Variants in GOLGA4 observed in about 807,000 individuals in gnomAD.
The protein encoded by GOLGA4 is golgin subfamily A member 4.
Under a neutral mutation model 265.9 loss-of-function variants are expected in GOLGA4, and 169 were observed. The observed-to-expected ratio is 0.64, with a 90% CI of 0.56 to 0.72. The LOEUF is 0.72. Among genes scored for constraint, GOLGA4 ranks in the 30% least tolerant of loss-of-function variants. GOLGA4 has a pLI of 0.00. For missense variants in GOLGA4, 2,482 were observed against 2,483.4 expected, an observed-to-expected ratio of 1.00 and a Z score of 0.01; for synonymous variants, 923 against 855.8, an observed-to-expected ratio of 1.08 and a Z score of -1.37.
At chr3:37,278,388 A>G (rs2096825331) in intron 2 of GOLGA4, among the ~76,000 whole-genome samples, 1 of 152,080 alleles carries the variant, frequency 6.6e-6, no homozygotes, top group Non-Finnish European at 1.5e-5. Flanking sequence ...TTTATAGTAG[A>G]GACAGAGTTT....
At chr3:37,320,607 C>T (rs1372755711) in intron 12 of GOLGA4, among the ~76,000 whole-genome samples, 1 of 152,122 alleles carries the variant, frequency 6.6e-6, no homozygotes, top group Non-Finnish European at 1.5e-5. Flanking sequence ...AAGCATTTTA[C>T]AAGAATTCTT....
chr3:37,307,229 T>C (rs1262466386), intron 10 of GOLGA4, among the ~76,000 whole-genome samples: 3 of 152,236 alleles, frequency 2.0e-5, no homozygotes, highest in Admixed American at 1.3e-4. Context: ...TTTATTGTCA[T>C]GTTGTGTTTG....
intron 4 of GOLGA4, among the ~76,000 whole-genome samples, chr3:37,287,822 C>T (rs1029174208): frequency 1.1e-4 from 16 of 152,316 alleles, no homozygotes; most frequent in African/African-American, 3.8e-4. Context: ...CAAGTCCCCA[C>T]AATACAATCC....
rs1250859580 is a variant in GOLGA4 at position 37,337,112 on chromosome 3, A to G, written c.6307-31A>G. On this transcript the variant is annotated intron_variant, in intron 17 of 23. Coordinates refer to ENST00000361924, the MANE Select transcript of GOLGA4 (RefSeq NM_002078.5). Reference sequence around the variant, plus strand: ...CTGTTTCTTATAGCTATTATTGTATACACTCATGTTTTTTCTTTCCATTTT... The same window carrying G: ...CTGTTTCTTATAGCTATTATTGTATGCACTCATGTTTTTTCTTTCCATTTT... 4.6e-6 allele frequency: 6 copies of G among 1,301,034 alleles called. No individual in the cohort carries two copies. In the East Asian group the frequency reaches 1.1e-4, roughly 25 times the overall value. 80.6% of individuals were successfully genotyped at this position (1,301,034 alleles called of 1,614,324 possible). A position where few individuals can be genotyped will look rare whatever the true frequency, so the allele number is the denominator to read the frequency against.
At chr3:37,330,390 C>G (rs1364347695) in intron 16 of GOLGA4, among the ~76,000 whole-genome samples, 1 of 152,126 alleles carries the variant, frequency 6.6e-6, no homozygotes, top group Non-Finnish European at 1.5e-5. Flanking sequence ...CAGGGAGATT[C>G]ATTTGCAGGG....
chr3:37,326,224 G>A lies in GOLGA4; in HGVS notation c.4338G>A (p.Lys1446=), dbSNP rs2096970339. 7 of 1,613,620 alleles carry A rather than the reference G, an allele frequency of 4.3e-6. No individual in the cohort carries two copies. In the South Asian group the frequency reaches 7.7e-5, roughly 18 times the overall value. The change falls in exon 14 of 24, where the codon AAG becomes AAA. Residue 1446 remains lysine, a synonymous_variant. Coordinates refer to ENST00000361924, the MANE Select transcript of GOLGA4 (RefSeq NM_002078.5). ...GGTCCAATAAATTCTCAGAATGGAA[G>A]AAGAAAGCACAGTCAAGATTTACAC... ...DDWSNKFSEW[K]KKAQSRFTQH...
At chr3:37,299,089 C>G in intron 8 of GOLGA4, 69 bp downstream of exon 8, 2 of 1,308,972 alleles carry the variant, frequency 1.5e-6, no homozygotes, top group Non-Finnish European at 2.1e-6. Context: ...CACAGCATGG[C>G]TTGTACCTCC....
intron 11 of GOLGA4, among the ~76,000 whole-genome samples, chr3:37,316,038 T>C (rs2150930523): frequency 6.6e-6 from 1 of 152,326 alleles, no homozygotes; most frequent in African/African-American, 2.4e-5. Context: ...TTACTCTTAA[T>C]ATAGATAGAC....
In GOLGA4 at chr3:37,286,000, T is replaced by C; in HGVS notation, c.478-14T>C. ...ATTTAGGAATGACTAATGTTGTTGATGACTATATTTTAGCTTGTTACAGCT... is the reference window on the plus strand; with the variant it reads ...ATTTAGGAATGACTAATGTTGTTGACGACTATATTTTAGCTTGTTACAGCT... On this transcript the variant is annotated splice_polypyrimidine_tract_variant and intron_variant, in intron 3 of 23. Transcript: ENST00000361924. 6.7e-7 allele frequency: 1 copy of C among 1,482,782 alleles called. No homozygotes were observed. Among genetic ancestry groups the C allele is most frequent in the Non-Finnish European group, 9.3e-7 (1 of 1,075,084 alleles). The allele number at this position is 1,482,782 out of a possible 1,614,324, so 91.9% of individuals were successfully genotyped here.
chr3:37,345,472 G>A (rs984149789), intron 20 of GOLGA4, among the ~76,000 whole-genome samples: 1 of 152,158 alleles, frequency 6.6e-6, no homozygotes, highest in African/African-American at 2.4e-5. Flanking sequence ...GTTTTAAAAT[G>A]CTGAGTGATA....
In GOLGA4 at chr3:37,355,177, C is replaced by G. The variant is rs1228249132; in HGVS notation, c.6653C>G (p.Ala2218Gly). ...CAGAAAATTTTGGAAAGAGAAGATG[C>G]TCGGCTGATGGTAAGTTCTGGAAGT... ...QTQKILERED[A>G]RLMFTSPRSG... The change falls in exon 22 of 24, where the codon GCT becomes GGT. Residue 2218 changes from alanine to glycine, a missense_variant. Transcript: ENST00000361924. The G allele has an allele frequency of 6.4e-7, 1 of 1,571,484 alleles. No individual in the cohort carries two copies. Among genetic ancestry groups the G allele is most frequent in the South Asian group, 1.1e-5 (1 of 90,218 alleles).
chr3:37,310,796 T>C (rs2096921107), intron 10 of GOLGA4, among the ~76,000 whole-genome samples: 1 of 151,870 alleles, frequency 6.6e-6, no homozygotes, highest in Non-Finnish European at 1.5e-5. Context: ...AAGAACACAG[T>C]GTGTTCTTGC....
intron 9 of GOLGA4, among the ~76,000 whole-genome samples, chr3:37,300,768 T>C (rs1202276308): frequency 6.6e-6 from 1 of 152,198 alleles, no homozygotes; most frequent in Non-Finnish European, 1.5e-5. Flanking sequence ...TGATCACATC[T>C]AAAAATTTAA....
chr3:37,315,736 T>C, intron 11 of GOLGA4, 138 bp downstream of exon 11: 4 of 748,186 alleles, frequency 5.3e-6, no homozygotes, highest in Non-Finnish European at 8.8e-6. Context: ...GGTTGTAAAA[T>C]TTTTGATAGA....
intron 22 of GOLGA4, among the ~76,000 whole-genome samples, chr3:37,360,363 A>G (rs988385776): frequency 5.9e-5 from 9 of 152,192 alleles, no homozygotes; most frequent in African/African-American, 2.2e-4. Flanking sequence ...GAACATCCAT[A>G]TACATGGATT....
In GOLGA4 at chr3:37,324,173, C is replaced by T; in HGVS notation, c.2287C>T (p.Leu763Phe). 6.2e-7 allele frequency: 1 copy of T among 1,614,050 alleles called. No homozygotes were observed. The highest frequency in any genetic ancestry group is 8.5e-7 in the Non-Finnish European group (1 of 1,179,980). Residue 763 changes from leucine (L) to phenylalanine (F), a missense_variant, in exon 14 of 24, where the codon CTT becomes TTT. Leu to Phe is a conservative substitution (Grantham distance 22, BLOSUM62 0). Transcript: ENST00000361924. ...AAAAGATCAAATTAATCAACTTGAG[C>T]TTCTCTTGAAGGAAAGGGACAAGCA... Reference protein sequence around the residue: ...ALKDQINQLELLLKERDKHLK... With the variant: ...ALKDQINQLEFLLKERDKHLK...
Position 37,327,290 on chromosome 3 carries a change from G to C in GOLGA4, c.5404G>C (p.Glu1802Gln). Residue 1802 changes from glutamate to glutamine, a missense_variant, in exon 14 of 24, where the codon GAA becomes CAA. Around this residue, in one of 3 missense-constraint regions of GOLGA4, gnomAD observed 942 missense variants for 983.1 expected, o/e 0.96. Transcript: ENST00000361924. Reference sequence around the variant, plus strand: ...GATAGGTCATCTTCAAGAGGAGCTTGAAGAAAAAAACAAGAAATATTCCTT... The same window carrying C: ...GATAGGTCATCTTCAAGAGGAGCTTCAAGAAAAAAACAAGAAATATTCCTT... Reference protein sequence around the residue: ...SMIGHLQEELEEKNKKYSLIV... With the variant: ...SMIGHLQEELQEKNKKYSLIV... 1 of 1,613,422 alleles carries C rather than the reference G, an allele frequency of 6.2e-7. No homozygotes were observed. Among genetic ancestry groups the C allele is most frequent in the Non-Finnish European group, 8.5e-7 (1 of 1,179,656 alleles).
intron 2 of GOLGA4, among the ~76,000 whole-genome samples, chr3:37,271,674 G>A (rs2150719809): frequency 6.6e-6 from 1 of 152,110 alleles, no homozygotes; most frequent in Non-Finnish European, 1.5e-5. Flanking sequence ...CACCCCATTG[G>A]ATATTTGAAG....
chr3:37,345,084 C>G (rs1285746870), intron 20 of GOLGA4, among the ~76,000 whole-genome samples: 2 of 151,996 alleles, frequency 1.3e-5, no homozygotes, highest in Non-Finnish European at 2.9e-5. Context: ...GTGACATGTA[C>G]CTGTAGTCCC....
Sources: allele counts gnomAD v4.1 joint callset (sites outside exome capture counted in the v4.1 genomes callset), GRCh38; gene constraint gnomAD v4.1.1; regional missense constraint gnomAD v4.1.1; transcripts MANE v1.5; gene names NCBI Gene and HGNC (gene_info 2026-07-23, HGNC 2026-07-21).